Variants in ERC2 observed in about 807,000 individuals in gnomAD.
ERC2 encodes the protein ERC protein 2.
ERC2 carries 42 observed loss-of-function variants against 114.8 expected under a neutral mutation model. That is an observed-to-expected ratio of 0.37 (90% CI 0.29 to 0.47). The LOEUF is 0.47. ERC2 is among the 20% of genes least tolerant of loss of function. The probability of loss-of-function intolerance (pLI) is 0.99; values close to 1 mark genes in which losing one functional copy is unlikely to be tolerated. For missense variants in ERC2, 939 were observed against 1,150.7 expected, an observed-to-expected ratio of 0.82 and a Z score of 2.66; for synonymous variants, 454 against 425.5, an observed-to-expected ratio of 1.07 and a Z score of -0.82.
At chr3:56,217,024 C>T (rs1299039751) in intron 3 of ERC2, among the ~76,000 whole-genome samples, 1 of 152,186 alleles carries the variant, frequency 6.6e-6, no homozygotes, top group African/African-American at 2.4e-5. Flanking sequence ...GGCAAACCCA[C>T]AGCCAATATC....
intron 17 of ERC2, among the ~76,000 whole-genome samples, chr3:55,607,722 C>G (rs571226032): frequency 1.1e-3 from 160 of 150,180 alleles, no homozygotes; most frequent in Non-Finnish European, 1.7e-3. Flanking sequence ...ACACCAGCAT[C>G]GGGGTAAGGG....
intron 13 of ERC2, among the ~76,000 whole-genome samples, chr3:55,910,369 G>T (rs1410414605): frequency 1.3e-5 from 2 of 151,848 alleles, no homozygotes; most frequent in Admixed American, 1.3e-4. Flanking sequence ...TCCAGCCCGG[G>T]TGACAGAGCA....
At chr3:55,640,858 A>C (rs1259438691) in intron 17 of ERC2, among the ~76,000 whole-genome samples, 1 of 152,008 alleles carries the variant, frequency 6.6e-6, no homozygotes, top group Non-Finnish European at 1.5e-5. Context: ...CAGTACTTTG[A>C]TTTTTCTTTT....
At chr3:55,870,130 A>G (rs2062513573) in intron 14 of ERC2, among the ~76,000 whole-genome samples, 1 of 151,918 alleles carries the variant, frequency 6.6e-6, no homozygotes, top group South Asian at 2.1e-4. Flanking sequence ...GCTGGAGTGC[A>G]GTGGTATGAT....
intron 2 of ERC2, among the ~76,000 whole-genome samples, chr3:56,371,640 C>T (rs907601123): frequency 2.6e-5 from 4 of 152,326 alleles, no homozygotes; most frequent in African/African-American, 9.6e-5. Flanking sequence ...TAAAGAGGGC[C>T]ACTTTTCAGT....
intron 14 of ERC2, among the ~76,000 whole-genome samples, chr3:55,826,656 CAG>C (rs960558311): frequency 2.0e-5 from 3 of 152,134 alleles, no homozygotes; most frequent in African/African-American, 4.8e-5. Context: ...AAAACAGACC[CAG>C]AGAGTGTCTT....
intron 3 of ERC2, among the ~76,000 whole-genome samples, chr3:56,190,623 G>T (rs939092894): frequency 2.0e-5 from 3 of 151,930 alleles, no homozygotes; most frequent in Admixed American, 6.6e-5. Flanking sequence ...TTTTTTTGTA[G>T]AGATGAGGTC....
At chr3:56,064,381 G>A (rs989952282) in intron 7 of ERC2, among the ~76,000 whole-genome samples, 10 of 152,120 alleles carry the variant, frequency 6.6e-5, no homozygotes, top group Non-Finnish European at 1.3e-4. Flanking sequence ...TGTGTATGCC[G>A]CCCTTCATAA....
intron 2 of ERC2, among the ~76,000 whole-genome samples, chr3:56,389,110 A>C (rs114330663): frequency 0.023 from 3,575 of 152,292 alleles, 40 homozygotes; most frequent in South Asian, 0.071. Context: ...CCATCTAAAT[A>C]CATTGTAGAT....
At chr3:55,895,383 C>T (rs55724092) in intron 13 of ERC2, among the ~76,000 whole-genome samples, 15,557 of 152,146 alleles carry the variant, frequency 0.1, 981 homozygotes, top group African/African-American at 0.17. Flanking sequence ...TCTAAGCCTA[C>T]AGATCCTCCC....
intron 3 of ERC2, among the ~76,000 whole-genome samples, chr3:56,233,442 G>A (rs1308354959): frequency 6.6e-6 from 1 of 152,040 alleles, no homozygotes; most frequent in African/African-American, 2.4e-5. Context: ...CCAACATGGT[G>A]AAACCCCATC....
chr3:55,988,506 C>T (rs914290633), intron 11 of ERC2, among the ~76,000 whole-genome samples: 1 of 152,182 alleles, frequency 6.6e-6, no homozygotes, highest in Non-Finnish European at 1.5e-5. Flanking sequence ...CAGCCATGTG[C>T]TATCTGGAAT....
At chr3:55,660,109 T>G (rs933974845) in intron 17 of ERC2, among the ~76,000 whole-genome samples, 9 of 152,150 alleles carry the variant, frequency 5.9e-5, no homozygotes, top group African/African-American at 2.2e-4. Context: ...GGAAGCTCAG[T>G]TCATATTTGT....
intron 7 of ERC2, among the ~76,000 whole-genome samples, chr3:56,077,256 A>G (rs965516529): frequency 6.6e-6 from 1 of 152,236 alleles, no homozygotes; most frequent in African/African-American, 2.4e-5. Flanking sequence ...TTGCAGGTAT[A>G]ATAGAGCTCC....
At chr3:55,784,550 A>G (rs1337054302) in intron 14 of ERC2, among the ~76,000 whole-genome samples, 1 of 152,208 alleles carries the variant, frequency 6.6e-6, no homozygotes, top group Non-Finnish European at 1.5e-5. Flanking sequence ...TAGGTAAAAC[A>G]GCCTCAACAT....
At chr3:56,005,506 G>A (rs1203520961) in intron 10 of ERC2, among the ~76,000 whole-genome samples, 1 of 152,054 alleles carries the variant, frequency 6.6e-6, no homozygotes, top group Non-Finnish European at 1.5e-5. Context: ...GCAACAATAT[G>A]TGAATCTCTT....
At chr3:56,052,278 A>G (rs1427900110) in intron 7 of ERC2, among the ~76,000 whole-genome samples, 1 of 152,210 alleles carries the variant, frequency 6.6e-6, no homozygotes. Context: ...ATGTGGCCAC[A>G]TGGATTCTGT....
intron 17 of ERC2, among the ~76,000 whole-genome samples, chr3:55,543,626 G>T (rs1412863947): frequency 1.3e-5 from 2 of 152,194 alleles, no homozygotes; most frequent in East Asian, 3.9e-4. Context: ...TCTCTTAGTT[G>T]TAAGAATGAA....
intron 15 of ERC2, among the ~76,000 whole-genome samples, chr3:55,719,492 C>T (rs2064321278): frequency 6.6e-6 from 1 of 152,140 alleles, no homozygotes; most frequent in Non-Finnish European, 1.5e-5. Flanking sequence ...GGAAACAATT[C>T]TAAATTACAT....
Sources: allele counts gnomAD v4.1 joint callset (sites outside exome capture counted in the v4.1 genomes callset), GRCh38; gene constraint gnomAD v4.1.1; transcripts MANE v1.5; gene names NCBI Gene and HGNC (gene_info 2026-07-23, HGNC 2026-07-21).